Variants in TMTC1 observed in about 807,000 individuals in gnomAD.
TMTC1 encodes protein O-mannosyl-transferase TMTC1.
In TMTC1, 73 loss-of-function variants were observed where a neutral mutation model predicts 104.8. That is an observed-to-expected ratio of 0.70 (90% CI 0.58 to 0.85). The LOEUF (loss-of-function observed/expected upper bound fraction) is 0.85. Ranked by LOEUF, TMTC1 falls within the 40% of genes least tolerant of loss-of-function variation. TMTC1 has a pLI of 0.00. For synonymous variants in TMTC1, 434 were observed against 428.7 expected (o/e 1.01, Z -0.15); for missense variants, 1,035 against 1,096.1 (o/e 0.94, Z 0.79).
At chr12:29,724,107 C>T (rs945513717) in intron 5 of TMTC1, among the ~76,000 whole-genome samples, 51 of 152,040 alleles carry the variant, frequency 3.4e-4, no homozygotes, top group Admixed American at 1.6e-3. Flanking sequence ...AAAGGCGCTT[C>T]GCAGGAAAAA....
chr12:29,613,475 T>G (rs1283644042), intron 6 of TMTC1, among the ~76,000 whole-genome samples: 7 of 152,194 alleles, frequency 4.6e-5, no homozygotes, highest in African/African-American at 1.7e-4. Context: ...TATCCAGCTT[T>G]GATTGGCAAA....
At chr12:29,780,514 T>C (rs1312413643) in intron 1 of TMTC1, among the ~76,000 whole-genome samples, 1 of 152,196 alleles carries the variant, frequency 6.6e-6, no homozygotes, top group Non-Finnish European at 1.5e-5. Context: ...AGGCAGTTGT[T>C]ATAGATTAGG....
At chr12:29,686,555 T>C (rs1941099855) in intron 5 of TMTC1, among the ~76,000 whole-genome samples, 1 of 152,166 alleles carries the variant, frequency 6.6e-6, no homozygotes, top group Admixed American at 6.5e-5. Flanking sequence ...TGGGAAGAGA[T>C]GCATCCAGCC....
Position 29,597,235 on chromosome 12 carries a change from T to TTC in TMTC1, c.1250+6942_1250+6943insGA, listed in dbSNP as rs1338772605. ...TTTCTTTTTCTTTTTCTTTCTTTCT[T>TTC]TTCTTTCTTTTTTTTTTTTTTTTGA... is the stretch of plus-strand genomic sequence containing the variant. On this transcript the variant is annotated intron_variant, in intron 7 of 17. Transcript: ENST00000539277. 6.1e-4 allele frequency among the ~76,000 whole-genome samples: 80 copies of TTC among 130,438 alleles called. 2 individuals carry two copies. The highest frequency in any genetic ancestry group is 2.8e-3 in the African/African-American group (75 of 26,340). 85.6% of individuals were successfully genotyped at this position (130,438 alleles called of 152,430 possible).
intron 5 of TMTC1, among the ~76,000 whole-genome samples, chr12:29,708,768 T>C (rs527309541): frequency 6.6e-6 from 1 of 152,308 alleles, no homozygotes; most frequent in Admixed American, 6.5e-5. Flanking sequence ...CTTGAGCCCT[T>C]AGGCTAACCT....
intron 10 of TMTC1, among the ~76,000 whole-genome samples, chr12:29,544,242 C>CAAA: frequency 8.4e-6 from 1 of 119,212 alleles, no homozygotes; most frequent in South Asian, 2.7e-4. Context: ...AACTCCATCT[C>CAAA]AAAAAAAAAA....
chr12:29,558,932 T>C (rs1433896831), intron 9 of TMTC1, among the ~76,000 whole-genome samples: 1 of 152,184 alleles, frequency 6.6e-6, no homozygotes, highest in Middle Eastern at 3.2e-3. Flanking sequence ...AGAATTACTT[T>C]GGAAGTGGTT....
In TMTC1 at chr12:29,768,089, G is replaced by A. The variant is rs1351845050; in HGVS notation, c.303-14C>T. On this transcript the variant is annotated splice_polypyrimidine_tract_variant and intron_variant, in intron 1 of 17. Coordinates refer to ENST00000539277, the MANE Select transcript of TMTC1 (RefSeq NM_001193451.2). ...AATATGTTTAGCCTGTAAAACAAAA[G>A]AAAAAAGAAAAAAACTGCATTAGCT... The A allele has an allele frequency of 4.4e-5, 67 of 1,514,602 alleles. No homozygotes were observed. The highest frequency in any genetic ancestry group is 2.6e-4 in the Admixed American group (12 of 45,334). 93.8% of individuals were successfully genotyped at this position (1,514,602 alleles called of 1,614,324 possible).
At chr12:29,644,026 T>C (rs1453336754) in intron 5 of TMTC1, among the ~76,000 whole-genome samples, 2 of 112,528 alleles carry the variant, frequency 1.8e-5, no homozygotes, top group Non-Finnish European at 3.3e-5. Context: ...AATTTATATA[T>C]AAATATAAAT....
At chr12:29,720,999 A>G (rs1266344181) in intron 5 of TMTC1, among the ~76,000 whole-genome samples, 1 of 152,186 alleles carries the variant, frequency 6.6e-6, no homozygotes, top group African/African-American at 2.4e-5. Context: ...ACTGGCTTCA[A>G]TGAGCTGAGA....
chr12:29,685,656 C>T (rs1465505356), intron 5 of TMTC1, among the ~76,000 whole-genome samples: 1 of 151,812 alleles, frequency 6.6e-6, no homozygotes, highest in Non-Finnish European at 1.5e-5. Flanking sequence ...AAAAAGAGGC[C>T]TGGTTTGCAA....
chr12:29,588,239 A>G (rs1946192125), intron 7 of TMTC1, among the ~76,000 whole-genome samples: 1 of 152,234 alleles, frequency 6.6e-6, no homozygotes, highest in African/African-American at 2.4e-5. Flanking sequence ...TTGTCAGAAC[A>G]GAGTCTCTAA....
chr12:29,720,619 T>C (rs984459502), intron 5 of TMTC1, among the ~76,000 whole-genome samples: 2 of 116,160 alleles, frequency 1.7e-5, no homozygotes, highest in East Asian at 2.4e-4. Context: ...GAGAATATAA[T>C]ATAAATGGAC....
chr12:29,616,319 G>A (rs983701525), intron 6 of TMTC1, among the ~76,000 whole-genome samples: 4 of 152,078 alleles, frequency 2.6e-5, no homozygotes, highest in East Asian at 3.9e-4. Flanking sequence ...AAATCAACGC[G>A]CTCTCTGGCA....
Position 29,652,981 on chromosome 12 carries a change from G to A in TMTC1, c.939-19645C>T, listed in dbSNP as rs1327947039. Among the ~76,000 whole-genome samples, 4 of 152,096 alleles carry A rather than the reference G, an allele frequency of 2.6e-5. No homozygotes were observed. The East Asian group carries it at 7.7e-4, about 29-fold the overall frequency. On this transcript the variant is annotated intron_variant, in intron 5 of 17. Transcript: ENST00000539277. Reference sequence around the variant, plus strand: ...GGAGGCTGAGACAGGAGAATTGCTTGAACCCAGAAGACAGAGGTTGCAGTG... The same window carrying A: ...GGAGGCTGAGACAGGAGAATTGCTTAAACCCAGAAGACAGAGGTTGCAGTG...
intron 11 of TMTC1, among the ~76,000 whole-genome samples, chr12:29,522,412 T>C (rs1944194940): frequency 6.6e-6 from 1 of 152,184 alleles, no homozygotes; most frequent in Non-Finnish European, 1.5e-5. Flanking sequence ...GATCCATGTC[T>C]CTAAATATAT....
chr12:29,682,188 A>G (rs77936876), intron 5 of TMTC1, among the ~76,000 whole-genome samples: 3,436 of 152,326 alleles, frequency 0.023, 78 homozygotes, highest in Admixed American at 0.052. Context: ...TAAAACCACA[A>G]TGAGATAATA....
chr12:29,655,151 G>C (rs924166347), intron 5 of TMTC1, among the ~76,000 whole-genome samples: 1 of 152,090 alleles, frequency 6.6e-6, no homozygotes, highest in Non-Finnish European at 1.5e-5. Flanking sequence ...AAAGTGCTGG[G>C]ATTACAGGTG....
intron 10 of TMTC1, 60 bp downstream of exon 10, chr12:29,556,797 G>C (rs982269679): frequency 1.1e-4 from 181 of 1,604,514 alleles, no homozygotes; most frequent in Non-Finnish European, 1.5e-4. Flanking sequence ...TGAGTGTTGA[G>C]AAGGAAAGAG....
Sources: allele counts gnomAD v4.1 joint callset (sites outside exome capture counted in the v4.1 genomes callset), GRCh38; gene constraint gnomAD v4.1.1; transcripts MANE v1.5; gene names NCBI Gene and HGNC (gene_info 2026-07-23, HGNC 2026-07-21).